The following MTMR12 variants were observed in gnomAD, a reference collection of about 807,000 sequenced individuals.
The protein encoded by MTMR12 is myotubularin related protein 12, also known as myotubularin-related protein 12.
A neutral mutation model predicts 96.7 loss-of-function variants in MTMR12; 33 were observed. The ratio of observed to expected loss-of-function variants is 0.34; its 90% CI spans 0.26 to 0.46. The LOEUF (loss-of-function observed/expected upper bound fraction) is 0.46, where lower values mean the gene tolerates loss of function less well. Among genes scored for constraint, MTMR12 ranks in the 20% least tolerant of loss-of-function variants. The pLI is 1.00. For synonymous variants in MTMR12, 298 were observed against 327.2 expected (o/e 0.91, Z 0.96); for missense variants, 721 against 896.1 (o/e 0.80, Z 2.49).
At chr5:32,243,825 T>C (rs151176083) in intron 10 of MTMR12, among the ~76,000 whole-genome samples, 67 of 152,322 alleles carry the variant, frequency 4.4e-4, no homozygotes, top group Middle Eastern at 3.4e-3. Context: ...AAAGAGATCT[T>C]TATTGCTGAA....
intron 3 of MTMR12, among the ~76,000 whole-genome samples, chr5:32,272,311 A>G (rs1749868370): frequency 6.6e-6 from 1 of 152,058 alleles, no homozygotes; most frequent in African/African-American, 2.4e-5. Context: ...AAATAAATAA[A>G]TAAAAATAAA....
chr5:32,234,023 G>T, intron 14 of MTMR12, 89 bp from the exon 15 acceptor site: 1 of 1,451,990 alleles, frequency 6.9e-7, no homozygotes, highest in Non-Finnish European at 9.5e-7. Flanking sequence ...CAGGAAGCAT[G>T]CTCCTGCTCT....
chr5:32,249,784 T>C (rs1748843932), intron 8 of MTMR12, among the ~76,000 whole-genome samples: 1 of 152,158 alleles, frequency 6.6e-6, no homozygotes, highest in Non-Finnish European at 1.5e-5. Flanking sequence ...CAAAAGGAGA[T>C]TACAACTGAT....
chr5:32,243,458 T>C, intron 11 of MTMR12, 63 bp downstream of exon 11: 1 of 1,157,382 alleles, frequency 8.6e-7, no homozygotes, highest in South Asian at 1.3e-5. Context: ...ATTTGTCGGT[T>C]TGATCTACTA....
intron 12 of MTMR12, among the ~76,000 whole-genome samples, chr5:32,240,473 C>T (rs1748425718): frequency 6.6e-6 from 1 of 152,108 alleles, no homozygotes; most frequent in Non-Finnish European, 1.5e-5. Flanking sequence ...ATCCTGACCC[C>T]TATAATCACA....
At position 32,228,474 on chromosome 5, in the gene MTMR12, A is replaced by G. The variant is rs1287347948; in HGVS notation, c.*1304T>C. 6.8e-6 allele frequency: 1 copy of G among 147,802 alleles called. No homozygotes were observed. The highest frequency in any genetic ancestry group is 1.5e-5 in the Non-Finnish European group (1 of 67,010). The allele number at this position is 147,802 out of a possible 1,614,324, so 9.2% of individuals were successfully genotyped here. A position where few individuals can be genotyped will look rare whatever the true frequency, so the allele number is the denominator to read the frequency against. On this transcript the variant is annotated 3_prime_UTR_variant, in exon 16 of 16. Transcript: ENST00000382142. ...TTGACAGGGTTCCACTGAGAACAAA[A>G]AAATCTGCTCCTTACAAAGTATACT...
chr5:32,248,890 A>G lies in MTMR12; in HGVS notation c.790-12T>C. The stretch of plus-strand genomic sequence containing the variant: ...GACCAACACCATATCTGTAGAAACA[A>G]ATAAAGCTTTACCAGATACAATAAA... On this transcript the variant is annotated splice_polypyrimidine_tract_variant and intron_variant, in intron 8 of 15. Coordinates refer to ENST00000382142, the MANE Select transcript of MTMR12 (RefSeq NM_001040446.3). 1 of 1,603,116 alleles carries G rather than the reference A, an allele frequency of 6.2e-7. No individual in the cohort carries two copies. The highest frequency in any genetic ancestry group is 8.5e-7 in the Non-Finnish European group (1 of 1,169,964).
rs1387823498 is a variant in MTMR12, at chr5:32,255,690, T to G, written c.789+3A>C. 1.2e-6 allele frequency: 2 copies of G among 1,608,766 alleles called. No homozygotes were observed. On this transcript the variant is annotated splice_donor_region_variant and intron_variant, in intron 8 of 15. Coordinates refer to ENST00000382142, the MANE Select transcript of MTMR12 (RefSeq NM_001040446.3). ...ACCTTTCAGGGTTCCCAGATGCACTTACTGGTATGCCATGACCCTGAAAGC... is the reference window on the plus strand; with the variant it reads ...ACCTTTCAGGGTTCCCAGATGCACTGACTGGTATGCCATGACCCTGAAAGC...
At chr5:32,259,804 G>A (rs933992257) in intron 7 of MTMR12, among the ~76,000 whole-genome samples, 4 of 152,178 alleles carry the variant, frequency 2.6e-5, no homozygotes, top group Non-Finnish European at 5.9e-5. Context: ...GGGAGGCTGA[G>A]GCAGGCGGAT....
intron 7 of MTMR12, among the ~76,000 whole-genome samples, chr5:32,261,873 C>T (rs568561635): frequency 6.6e-6 from 1 of 152,322 alleles, no homozygotes; most frequent in African/African-American, 2.4e-5. Flanking sequence ...GAGATCAAGA[C>T]CATCCTGGCT....
Position 32,230,121 on chromosome 5 carries a change from G to T in MTMR12, c.1901C>A (p.Pro634His). The T allele has an allele frequency of 6.2e-7, 1 of 1,612,530 alleles. No individual in the cohort carries two copies. The highest frequency in any genetic ancestry group is 1.7e-4 in the Middle Eastern group (1 of 6,056). The part of the protein sequence containing the change: ...HGLLLPHIEG[P>H]EIKVWAQRYL... Reference sequence around the variant, plus strand: ...GCGCTGGGCCCAGACTTTGATTTCGGGCCCCTCGATATGCGGTAACAACAA... The same window carrying T: ...GCGCTGGGCCCAGACTTTGATTTCGTGCCCCTCGATATGCGGTAACAACAA... The change falls in exon 16 of 16, where the codon CCC (proline) becomes CAC (histidine). Residue 634 changes from proline to histidine, a missense_variant. Transcript: ENST00000382142.
intron 12 of MTMR12, among the ~76,000 whole-genome samples, 185 bp from the exon 13 acceptor site, chr5:32,239,358 C>T (rs1243485722): frequency 6.6e-6 from 1 of 152,234 alleles, no homozygotes; most frequent in East Asian, 1.9e-4. Flanking sequence ...CAGACTGAGA[C>T]ATGAACTGCT....
chr5:32,285,506 C>T (rs1750503555), intron 1 of MTMR12, among the ~76,000 whole-genome samples: 1 of 152,048 alleles, frequency 6.6e-6, no homozygotes, highest in Non-Finnish European at 1.5e-5. Context: ...AATGTTATGG[C>T]TACTTTTTAT....
chr5:32,290,567 T>TA (rs1424084414), intron 1 of MTMR12, among the ~76,000 whole-genome samples: 2 of 152,196 alleles, frequency 1.3e-5, no homozygotes, highest in African/African-American at 2.4e-5. Flanking sequence ...GGAGGCAACA[T>TA]ATTCTTCGTT....
At chr5:32,310,664 G>A (rs1751545691) in intron 1 of MTMR12, among the ~76,000 whole-genome samples, 1 of 152,118 alleles carries the variant, frequency 6.6e-6, no homozygotes, top group Non-Finnish European at 1.5e-5. Flanking sequence ...CAGGGGAAAG[G>A]GAAGTGGGGA....
chr5:32,261,489 C>T (rs1749358250), intron 7 of MTMR12, among the ~76,000 whole-genome samples: 1 of 152,150 alleles, frequency 6.6e-6, no homozygotes, highest in Non-Finnish European at 1.5e-5. Context: ...CATGCAAAAC[C>T]TTACTTCCAC....
chr5:32,287,592 T>C (rs1311618407), intron 1 of MTMR12, among the ~76,000 whole-genome samples: 3 of 152,208 alleles, frequency 2.0e-5, no homozygotes, highest in Non-Finnish European at 4.4e-5. Flanking sequence ...GGAACCCTAA[T>C]ACGGATTTTG....
chr5:32,310,388 T>C (rs140908378), intron 1 of MTMR12, among the ~76,000 whole-genome samples: 34 of 152,268 alleles, frequency 2.2e-4, no homozygotes, highest in African/African-American at 7.0e-4. Context: ...CAGCCAAGAT[T>C]TGGAAGCAAC....
At chr5:32,230,863 C>G (rs1747968381) in intron 15 of MTMR12, among the ~76,000 whole-genome samples, 1 of 152,222 alleles carries the variant, frequency 6.6e-6, no homozygotes, top group East Asian at 1.9e-4. Flanking sequence ...GGTGAAATAG[C>G]AGCTTATCAG....
Sources: allele counts gnomAD v4.1 joint callset (sites outside exome capture counted in the v4.1 genomes callset), GRCh38; gene constraint gnomAD v4.1.1; transcripts MANE v1.5; gene names NCBI Gene and HGNC (gene_info 2026-07-23, HGNC 2026-07-21).